Variants in SPRTN observed in about 807,000 individuals in gnomAD.
The protein encoded by SPRTN is DNA-dependent metalloprotease SPRTN.
In SPRTN, 11 loss-of-function variants were observed where a neutral mutation model predicts 31.9. The observed-to-expected ratio is 0.34, with a 90% CI of 0.22 to 0.57. SPRTN has a LOEUF of 0.57. Ranked by LOEUF, SPRTN falls within the 20% of genes least tolerant of loss-of-function variation. The probability of loss-of-function intolerance (pLI) is 0.86; values close to 1 mark genes in which losing one functional copy is unlikely to be tolerated. For missense variants in SPRTN, 482 were observed against 590.1 expected, an observed-to-expected ratio of 0.82 and a Z score of 1.90; for synonymous variants, 185 against 212.1, an observed-to-expected ratio of 0.87 and a Z score of 1.11.
In SPRTN at chr1:231,351,271, T is replaced by C. The variant is rs2474634; in HGVS notation, c.451-33T>C. The C allele has an allele frequency of 0.63, 923,878 of 1,461,176 alleles. 296,105 individuals carry two copies. Among genetic ancestry groups the C allele is most frequent in the Middle Eastern group, 0.67 (2,855 of 4,270 alleles). 90.5% of individuals were successfully genotyped at this position (1,461,176 alleles called of 1,614,324 possible). On this transcript the variant is annotated intron_variant, in intron 3 of 4. Transcript: ENST00000295050. Reference sequence around the variant, plus strand: ...TGTTTTCTTGCAGTTGTTAACTTGCTTATTGAATACTAAAAATTCTGTCTC... The same window carrying C: ...TGTTTTCTTGCAGTTGTTAACTTGCCTATTGAATACTAAAAATTCTGTCTC...
At chr1:231,346,952 G>T (rs572105058) in intron 2 of SPRTN, among the ~76,000 whole-genome samples, 48 of 135,826 alleles carry the variant, frequency 3.5e-4, no homozygotes, top group African/African-American at 1.2e-3. Flanking sequence ...AAAAAAAAAA[G>T]AATTTTAAAG....
At chr1:231,340,528 A>T (rs1447196202) in intron 2 of SPRTN, among the ~76,000 whole-genome samples, 1 of 152,228 alleles carries the variant, frequency 6.6e-6, no homozygotes, top group Non-Finnish European at 1.5e-5. Context: ...AGAAAACAGG[A>T]TCCACATGTT....
At chr1:231,344,287 G>A (rs1037599076) in intron 2 of SPRTN, among the ~76,000 whole-genome samples, 9 of 152,092 alleles carry the variant, frequency 5.9e-5, no homozygotes, top group Non-Finnish European at 1.2e-4. Context: ...TAGATGGATT[G>A]CTTGAGCCCA....
chr1:231,345,317 G>A (rs1410092250), intron 2 of SPRTN, among the ~76,000 whole-genome samples: 2 of 151,928 alleles, frequency 1.3e-5, no homozygotes, highest in African/African-American at 2.4e-5. Context: ...TAGTAGAGAC[G>A]GGGTTTTACC....
At position 231,339,819 on chromosome 1, in the gene SPRTN, G is replaced by A. The variant is rs752309622; in HGVS notation, c.272G>A (p.Arg91His). 2 of 1,614,130 alleles carry A rather than the reference G, an allele frequency of 1.2e-6. No individual in the cohort carries two copies. The highest frequency in any genetic ancestry group is 2.2e-5 in the South Asian group (2 of 91,090). Residue 91 changes from arginine (R) to histidine (H), a missense_variant, in exon 2 of 5, where the codon CGT becomes CAT. Around this residue, in one of 2 missense-constraint regions of SPRTN, gnomAD observed 157 missense variants for 239.9 expected, o/e 0.65. Coordinates refer to ENST00000295050, the MANE Select transcript of SPRTN (RefSeq NM_032018.7). Reference sequence around the variant, plus strand: ...GGGAAGGGTGGAATGTGTTCCATCCGTCTCAGCGAACCCCTTTTGAAGTTG... The same window carrying A: ...GGGAAGGGTGGAATGTGTTCCATCCATCTCAGCGAACCCCTTTTGAAGTTG... ...YEGKGGMCSI[R>H]LSEPLLKLRP... is the part of the protein sequence containing the mutation.
At position 231,354,350 on chromosome 1, in the gene SPRTN, T is replaced by G. The variant is rs1687331833; in HGVS notation, c.*989T>G. On this transcript the variant is annotated 3_prime_UTR_variant, in exon 5 of 5. Transcript: ENST00000295050. ...CTTGTGGCTGTACATGCTGTTGGCA[T>G]AGCCCTAACACAGTTGTTCACAAGT... is the stretch of plus-strand genomic sequence containing the variant. The G allele has an allele frequency of 1.0e-6, 1 of 985,210 alleles. No homozygotes were observed. Among genetic ancestry groups the G allele is most frequent in the Admixed American group, 6.1e-5 (1 of 16,268 alleles). The allele number at this position is 985,210 out of a possible 1,614,324, so 61.0% of individuals were successfully genotyped here.
intron 2 of SPRTN, among the ~76,000 whole-genome samples, chr1:231,346,183 CTTTTTTTTT>C (rs71583771): frequency 3.1e-4 from 28 of 89,062 alleles, no homozygotes; most frequent in East Asian, 1.7e-3. Flanking sequence ...CTTTTCTTTT[CTTTTTTTTT>C]TTTTTTTTTT....
At position 231,340,047 on chromosome 1, in the gene SPRTN, T is replaced by TAAAAA. The variant is rs3071954; in HGVS notation, c.321+189_321+193dup. 356 of 292,220 alleles carry TAAAAA rather than the reference T, an allele frequency of 1.2e-3. 5 individuals carry two copies. The highest frequency in any genetic ancestry group is 7.7e-3 in the African/African-American group (305 of 39,448). The allele number at this position is 292,220 out of a possible 1,614,324, so 18.1% of individuals were successfully genotyped here. ...TTATGTTTTTTATAGTGCTTCATAG[T>TAAAAA]AAAAAAAAAAAAAACAAAAAAAAGG... On this transcript the variant is annotated intron_variant, in intron 2 of 4. Transcript: ENST00000295050.
chr1:231,340,066 A>C (rs1461685224), intron 2 of SPRTN, 198 bp downstream of exon 2: 2 of 476,992 alleles, frequency 4.2e-6, no homozygotes, highest in Non-Finnish European at 7.3e-6. Flanking sequence ...AAAAAACAAA[A>C]AAAAGGCTTC....
chr1:231,345,900 A>G (rs1229678707), intron 2 of SPRTN, among the ~76,000 whole-genome samples: 1 of 152,024 alleles, frequency 6.6e-6, no homozygotes, highest in Non-Finnish European at 1.5e-5. Flanking sequence ...GCAACCTTGA[A>G]TTCATGGCCT....
chr1:231,344,065 A>G (rs1358335041), intron 2 of SPRTN, among the ~76,000 whole-genome samples: 1 of 152,228 alleles, frequency 6.6e-6, no homozygotes. Context: ...ACCATTTTCA[A>G]GATGTTTTTT....
intron 3 of SPRTN, among the ~76,000 whole-genome samples, chr1:231,349,770 G>A (rs1437932269): frequency 6.6e-6 from 1 of 152,244 alleles, no homozygotes. Context: ...AGCACTTTGG[G>A]AGGCCGAAGT....
intron 1 of SPRTN, 134 bp downstream of exon 1, chr1:231,338,738 T>G: frequency 1.1e-6 from 1 of 932,130 alleles, no homozygotes; most frequent in Non-Finnish European, 1.6e-6. Flanking sequence ...GTTTTGGACC[T>G]GGCAATTCCT....
intron 3 of SPRTN, among the ~76,000 whole-genome samples, chr1:231,349,582 C>T (rs760889220): frequency 6.6e-6 from 1 of 152,208 alleles, no homozygotes; most frequent in Non-Finnish European, 1.5e-5. Flanking sequence ...GGAGTGAACA[C>T]TCCTTGCTTT....
chr1:231,346,181 T>A (rs961336499), intron 2 of SPRTN, among the ~76,000 whole-genome samples: 6 of 86,962 alleles, frequency 6.9e-5, no homozygotes, highest in South Asian at 4.5e-4. Context: ...TTCTTTTCTT[T>A]TCTTTTTTTT....
In SPRTN at chr1:231,351,589, C is replaced by A; in HGVS notation, c.718+18C>A. 2 of 1,611,314 alleles carry A rather than the reference C, an allele frequency of 1.2e-6. No homozygotes were observed. The highest frequency in any genetic ancestry group is 1.1e-5 in the South Asian group (1 of 90,640). ...GAATAAAGGTACCTTCGTGTATATT[C>A]TTCTGATTTTTATGTGACCATAGCT... On this transcript the variant is annotated intron_variant, in intron 4 of 4. Transcript: ENST00000295050.
intron 2 of SPRTN, chr1:231,340,165 A>C: frequency 4.4e-6 from 1 of 226,026 alleles, no homozygotes. Flanking sequence ...GATCAAAAAC[A>C]TCCTAGCCAA....
intron 2 of SPRTN, among the ~76,000 whole-genome samples, chr1:231,341,354 A>G (rs1346456442): frequency 1.3e-5 from 2 of 151,818 alleles, no homozygotes; most frequent in Non-Finnish European, 2.9e-5. Context: ...TTACTTTGGA[A>G]TATTTGCATT....
At chr1:231,338,662 C>A in intron 1 of SPRTN, 58 bp downstream of exon 1, 2 of 1,597,858 alleles carry the variant, frequency 1.3e-6, no homozygotes, top group South Asian at 2.2e-5. Context: ...CTGCAGCCCC[C>A]GGCCCTGGTT....
Sources: gnomAD v4.1 joint callset for allele counts (sites outside exome capture counted in the v4.1 genomes callset) on GRCh38, gnomAD v4.1.1 for gene constraint, gnomAD v4.1.1 regional missense constraint, MANE v1.5 for transcripts, NCBI Gene and HGNC (gene_info 2026-07-23, HGNC 2026-07-21) for gene names.